NTM: variants seen among roughly 807,000 people sequenced by gnomAD.
NTM encodes the protein neurotrimin.
A neutral mutation model predicts 42.1 loss-of-function variants in NTM; 13 were observed. The ratio of observed to expected loss-of-function variants is 0.31; its 90% CI spans 0.20 to 0.49. NTM has a LOEUF of 0.49. NTM is among the 20% of genes least tolerant of loss of function. The pLI is 0.99. For synonymous variants in NTM, 187 were observed against 179.2 expected, an observed-to-expected ratio of 1.04 and a Z score of -0.35; for missense variants, 373 against 452.8, an observed-to-expected ratio of 0.82 and a Z score of 1.60.
At chr11:131,420,857 C>T (rs567460073) in intron 1 of NTM, among the ~76,000 whole-genome samples, 3 of 152,238 alleles carry the variant, frequency 2.0e-5, no homozygotes, top group Non-Finnish European at 2.9e-5. Flanking sequence ...TCTTTAGAAC[C>T]AGCATTTGTT....
At chr11:132,061,118 G>C (rs769250098) in intron 2 of NTM, among the ~76,000 whole-genome samples, 1 of 152,082 alleles carries the variant, frequency 6.6e-6, no homozygotes, top group Non-Finnish European at 1.5e-5. Context: ...ACCCATTCTA[G>C]TTGCAATTTT....
chr11:131,668,434 G>A (rs2069499304), intron 1 of NTM, among the ~76,000 whole-genome samples: 1 of 152,080 alleles, frequency 6.6e-6, no homozygotes, highest in Admixed American at 6.6e-5. Context: ...TCCCTAAGTG[G>A]TTGGGCTGTG....
At chr11:131,736,639 C>T (rs999048980) in intron 1 of NTM, among the ~76,000 whole-genome samples, 6 of 152,050 alleles carry the variant, frequency 3.9e-5, no homozygotes, top group African/African-American at 1.4e-4. Flanking sequence ...CCATATCTGC[C>T]AAAAACCTCT....
chr11:132,035,060 G>A (rs911750409), intron 2 of NTM, among the ~76,000 whole-genome samples: 2 of 152,162 alleles, frequency 1.3e-5, no homozygotes, highest in African/African-American at 4.8e-5. Context: ...CTGTTTTGCT[G>A]TTGTTTGCTT....
chr11:131,487,525 A>G (rs1189796893), intron 1 of NTM, among the ~76,000 whole-genome samples: 1 of 152,148 alleles, frequency 6.6e-6, no homozygotes, highest in African/African-American at 2.4e-5. Context: ...CTTTCTTTCT[A>G]TGGGTTAGGA....
At chr11:131,824,516 G>A (rs1000486801) in intron 1 of NTM, among the ~76,000 whole-genome samples, 1 of 152,202 alleles carries the variant, frequency 6.6e-6, no homozygotes, top group Non-Finnish European at 1.5e-5. Context: ...GAGTAGAAGA[G>A]TGAGCAATTA....
At chr11:131,944,259 C>G (rs140993227) in intron 2 of NTM, among the ~76,000 whole-genome samples, 1 of 152,174 alleles carries the variant, frequency 6.6e-6, no homozygotes, top group Non-Finnish European at 1.5e-5. Flanking sequence ...CACTGACTTG[C>G]AGTAGTGAGT....
chr11:132,014,437 G>A (rs1363415452), intron 2 of NTM, among the ~76,000 whole-genome samples: 1 of 151,992 alleles, frequency 6.6e-6, no homozygotes, highest in Non-Finnish European at 1.5e-5. Flanking sequence ...TCATATGATA[G>A]TTCTATTTTT....
chr11:132,299,152 G>T (rs1263342873), intron 4 of NTM, among the ~76,000 whole-genome samples: 2 of 151,894 alleles, frequency 1.3e-5, no homozygotes, highest in Non-Finnish European at 2.9e-5. Flanking sequence ...AAAATTAGCT[G>T]GGCGTGGTGG....
At chr11:132,259,735 GTTTT>G (rs200393316) in intron 4 of NTM, among the ~76,000 whole-genome samples, 22 of 151,300 alleles carry the variant, frequency 1.5e-4, no homozygotes, top group Admixed American at 2.6e-4. Flanking sequence ...ACAGTTTTTT[GTTTT>G]TGTTTGTTTG....
At chr11:131,397,917 C>A (rs1231974331) in intron 1 of NTM, among the ~76,000 whole-genome samples, 1 of 152,152 alleles carries the variant, frequency 6.6e-6, no homozygotes, top group African/African-American at 2.4e-5. Flanking sequence ...CTTGAGAATG[C>A]AATAAAATCT....
chr11:132,035,064 T>A (rs74915963), intron 2 of NTM, among the ~76,000 whole-genome samples: 8,260 of 152,306 alleles, frequency 0.054, 303 homozygotes, highest in Non-Finnish European at 0.082. Context: ...TTTGCTGTTG[T>A]TTGCTTTGAG....
intron 1 of NTM, among the ~76,000 whole-genome samples, chr11:131,867,395 GTGTC>G (rs2047328413): frequency 6.6e-6 from 1 of 152,018 alleles, no homozygotes; most frequent in African/African-American, 2.4e-5. Flanking sequence ...GTGACCGTGT[GTGTC>G]TGTATGTGTG....
intron 1 of NTM, chr11:131,660,123 C>A (rs902268525): frequency 5.4e-6 from 1 of 184,118 alleles, no homozygotes. Flanking sequence ...GGAGCCTCTG[C>A]GGCCAGGAGC....
intron 1 of NTM, among the ~76,000 whole-genome samples, chr11:131,753,744 G>A (rs919626277): frequency 6.6e-4 from 100 of 151,730 alleles, no homozygotes; most frequent in African/African-American, 2.4e-3. Flanking sequence ...GACTGTTGTG[G>A]GGTGGTTGGA....
At chr11:131,726,101 A>AT (rs933010105) in intron 1 of NTM, among the ~76,000 whole-genome samples, 2 of 152,182 alleles carry the variant, frequency 1.3e-5, no homozygotes, top group African/African-American at 2.4e-5. Context: ...AAAAGGTAGG[A>AT]TTTTGAACAG....
At chr11:132,166,191 A>G (rs1466108428) in intron 3 of NTM, among the ~76,000 whole-genome samples, 1 of 152,188 alleles carries the variant, frequency 6.6e-6, no homozygotes, top group Admixed American at 6.5e-5. Context: ...AATGTATTCT[A>G]GAGAACATGA....
chr11:132,227,527 C>T (rs997266006), intron 4 of NTM, among the ~76,000 whole-genome samples: 8 of 151,620 alleles, frequency 5.3e-5, no homozygotes, highest in Non-Finnish European at 8.8e-5. Flanking sequence ...AGCCTAATAT[C>T]CCTTGGTCCT....
intron 1 of NTM, among the ~76,000 whole-genome samples, chr11:131,821,839 G>A (rs2093203546): frequency 6.6e-6 from 1 of 152,156 alleles, no homozygotes; most frequent in Non-Finnish European, 1.5e-5. Context: ...AGTTTAGAAA[G>A]GAAGCTGATT....
Sources: gnomAD v4.1 joint callset for allele counts (sites outside exome capture counted in the v4.1 genomes callset) on GRCh38, gnomAD v4.1.1 for gene constraint, MANE v1.5 for transcripts, NCBI Gene and HGNC (gene_info 2026-07-23, HGNC 2026-07-21) for gene names.